Variants in TMEM52B observed in about 807,000 individuals in gnomAD.
TMEM52B encodes the protein chromosome 12 open reading frame 59.
TMEM52B carries 11 observed loss-of-function variants against 16.1 expected under a neutral mutation model. The observed-to-expected ratio is 0.68, with a 90% CI of 0.43 to 1.13. The LOEUF is 1.13. TMEM52B is among the 50% of genes most tolerant of loss of function. The pLI, the probability that TMEM52B is intolerant of heterozygous loss-of-function variation, is 0.00. For synonymous variants in TMEM52B, 101 were observed against 93.8 expected (o/e 1.08, Z -0.45); for missense variants, 243 against 230.4 (o/e 1.05, Z -0.35).
At chr12:10,177,599 G>T (rs972690040), upstream of TMEM52B, among the ~76,000 whole-genome samples, 2 of 151,542 alleles carry the variant, frequency 1.3e-5, no homozygotes, top group African/African-American at 4.8e-5. Flanking sequence ...GTAAAACCTT[G>T]TCTCTACTGA....
At chr12:10,181,739 C>G (rs910451152) in intron 1 of TMEM52B, among the ~76,000 whole-genome samples, 21 of 151,478 alleles carry the variant, frequency 1.4e-4, no homozygotes, top group Admixed American at 3.9e-4. Flanking sequence ...ATTAAGAGTT[C>G]ATGGCCGGGC....
At chr12:10,171,322 G>T (rs1948714605) in intron 1 of TMEM52B, among the ~76,000 whole-genome samples, 3 of 152,032 alleles carry the variant, frequency 2.0e-5, no homozygotes, top group Non-Finnish European at 4.4e-5. Flanking sequence ...TAGAATAAAA[G>T]GCAATTTACC....
At chr12:10,176,547 G>A (rs1172748506), upstream of TMEM52B, among the ~76,000 whole-genome samples, 3 of 152,106 alleles carry the variant, frequency 2.0e-5, no homozygotes, top group African/African-American at 7.2e-5. Flanking sequence ...AAATATTCAA[G>A]AATTAGAATA....
At chr12:10,174,958 C>A (rs1266573804), upstream of TMEM52B, among the ~76,000 whole-genome samples, 1 of 152,158 alleles carries the variant, frequency 6.6e-6, no homozygotes, top group African/African-American at 2.4e-5. Context: ...TATGTATAAA[C>A]CACATTCTAC....
chr12:10,186,168 G>A (rs1948876903), intron 3 of TMEM52B, among the ~76,000 whole-genome samples: 1 of 152,016 alleles, frequency 6.6e-6, no homozygotes, highest in African/African-American at 2.4e-5. Flanking sequence ...AAAGAAAAAA[G>A]AAGCAGCCCC....
chr12:10,178,641 C>A (rs1948787645), upstream of TMEM52B, among the ~76,000 whole-genome samples: 1 of 82,148 alleles, frequency 1.2e-5, no homozygotes. Flanking sequence ...ACTCCTTAAC[C>A]AAAGAGAGAG....
At position 10,184,004 on chromosome 12, in the gene TMEM52B, C is replaced by G. The variant is rs1471218506; in HGVS notation, c.99-1326C>G. Among the ~76,000 whole-genome samples the G allele has an allele frequency of 9.2e-5, 14 of 152,276 alleles. 1 individual carries two copies. In the East Asian group the frequency reaches 2.7e-3, roughly 29 times the overall value. Reference sequence around the variant, plus strand: ...GGGCTGGTCATTGGAAGGACCAATGCAGAATGCTTAAAGCCTCACCCCTCA... The same window carrying G: ...GGGCTGGTCATTGGAAGGACCAATGGAGAATGCTTAAAGCCTCACCCCTCA... On this transcript the variant is annotated intron_variant, in intron 2 of 4. Coordinates refer to ENST00000543484, the MANE Select transcript of TMEM52B (RefSeq NM_001384896.1).
At chr12:10,178,427 G>GC, upstream of TMEM52B, among the ~76,000 whole-genome samples, 1 of 151,572 alleles carries the variant, frequency 6.6e-6, no homozygotes, top group Non-Finnish European at 1.5e-5. Context: ...GGAGGCTGAG[G>GC]CAGGAGAATG....
At chr12:10,188,896 A>G (rs891006799) in intron 4 of TMEM52B, among the ~76,000 whole-genome samples, 9 of 151,844 alleles carry the variant, frequency 5.9e-5, no homozygotes, top group Admixed American at 5.9e-4. Context: ...GGGCGCCTGT[A>G]GTCCCAGCTA....
rs113093027 is a variant in TMEM52B at position 10,186,497 on chromosome 12, G to A, written c.215G>A (p.Arg72His). ...SLCFRCCCLSRQQNGEDGGPP... is the reference protein window; with the variant it reads ...SLCFRCCCLSHQQNGEDGGPP... Reference sequence around the variant, plus strand: ...TGCTTCCGCTGCTGCTGTCTGAGCCGCCAGCAAAATGGGGAAGATGGGGGC... The same window carrying A: ...TGCTTCCGCTGCTGCTGTCTGAGCCACCAGCAAAATGGGGAAGATGGGGGC... The change falls in exon 4 of 5, where the codon CGC (arginine) becomes CAC (histidine). Residue 72 changes from arginine to histidine, a missense_variant. Arg to His is a conservative substitution (Grantham distance 29). Transcript: ENST00000543484. 9.7e-5 allele frequency: 156 copies of A among 1,610,676 alleles called. 1 individual carries two copies. The highest frequency in any genetic ancestry group is 4.8e-4 in the African/African-American group (36 of 74,972).
In TMEM52B at chr12:10,186,579, C is replaced by A. The variant is rs4764308; in HGVS notation, c.297C>A (p.Ser99Arg). ...TCGATCACGACAGCACTCTCCAGAG[C>A]ACTATCACATGTGAGTACACTGAAC... ...IAFDHDSTLQ[S>R]TITSLQSVFG... The change falls in exon 4 of 5, where the codon AGC becomes AGA. Residue 99 changes from serine (S) to arginine (R), a missense_variant. By Grantham distance (110) the Ser-to-Arg change is moderately radical. Transcript: ENST00000543484. 6 of 1,589,168 alleles carry A rather than the reference C, an allele frequency of 3.8e-6. No individual in the cohort carries two copies. In the African/African-American group the frequency reaches 8.0e-5, roughly 21 times the overall value.
intron 4 of TMEM52B, among the ~76,000 whole-genome samples, chr12:10,187,389 C>A (rs927652780): frequency 2.0e-5 from 3 of 150,476 alleles, no homozygotes; most frequent in Non-Finnish European, 4.4e-5. Context: ...CGTGAGCCAC[C>A]ATGCCTGGCC....
At position 10,190,142 on chromosome 12, in the gene TMEM52B, G is replaced by C. The variant is rs755614695; in HGVS notation, c.*2G>C. On this transcript the variant is annotated 3_prime_UTR_variant, in exon 5 of 5. Coordinates refer to ENST00000543484, the MANE Select transcript of TMEM52B (RefSeq NM_001384896.1). ...CGAATAGTTGACTCTTGGAACTGAT[G>C]AGAGCTGTCATTTTATAAATAGGAG... 84 of 1,614,122 alleles carry C rather than the reference G, an allele frequency of 5.2e-5. No individual in the cohort carries two copies. The Middle Eastern group carries it at 6.6e-4, about 13-fold the overall frequency.
intron 4 of TMEM52B, among the ~76,000 whole-genome samples, chr12:10,189,012 G>C (rs1230487077): frequency 1.4e-5 from 1 of 69,654 alleles, no homozygotes; most frequent in Non-Finnish European, 2.5e-5. Flanking sequence ...GCGAGACTCC[G>C]TCTCAAAAAA....
chr12:10,189,745 A>G, intron 4 of TMEM52B, 151 bp from the exon 5 acceptor site: 1 of 1,052,596 alleles, frequency 9.5e-7, no homozygotes, highest in Non-Finnish European at 1.4e-6. Flanking sequence ...ACATGCTTCA[A>G]AGGATATTCA....
intron 4 of TMEM52B, 73 bp downstream of exon 4, chr12:10,186,662 A>G: frequency 7.2e-7 from 1 of 1,379,516 alleles, no homozygotes; most frequent in Non-Finnish European, 9.7e-7. Flanking sequence ...GCAAAGGTGT[A>G]GAACCACTGA....
intron 4 of TMEM52B, among the ~76,000 whole-genome samples, chr12:10,188,929 A>G (rs1948918650): frequency 6.9e-6 from 1 of 145,488 alleles, no homozygotes; most frequent in Non-Finnish European, 1.5e-5. Flanking sequence ...AGGCAGGAGA[A>G]TGGCGAGAAC....
At chr12:10,176,838 C>G (rs759276139), upstream of TMEM52B, among the ~76,000 whole-genome samples, 7 of 152,056 alleles carry the variant, frequency 4.6e-5, no homozygotes, top group Non-Finnish European at 5.9e-5. Context: ...ATAACCTGCT[C>G]CAAGATCACA....
At chr12:10,188,160 C>T (rs757240670) in intron 4 of TMEM52B, among the ~76,000 whole-genome samples, 17 of 152,202 alleles carry the variant, frequency 1.1e-4, no homozygotes, top group Admixed American at 2.6e-4. Flanking sequence ...ACCTTTCCTA[C>T]CTCCCCTTTC....
Sources: allele counts gnomAD v4.1 joint callset (sites outside exome capture counted in the v4.1 genomes callset), GRCh38; gene constraint gnomAD v4.1.1; transcripts MANE v1.5; gene names NCBI Gene and HGNC (gene_info 2026-07-23, HGNC 2026-07-21).